Variants in PARD3B observed in about 807,000 individuals in gnomAD.
PARD3B encodes the protein partitioning defective 3 homolog B.
A neutral mutation model predicts 130.2 loss-of-function variants in PARD3B; 103 were observed. The ratio of observed to expected loss-of-function variants is 0.79; its 90% confidence interval spans 0.67 to 0.93. PARD3B has a LOEUF of 0.93. PARD3B is among the 40% of genes least tolerant of loss of function. The pLI, the probability that PARD3B is intolerant of heterozygous loss-of-function variation, is 0.00. For synonymous variants in PARD3B, 583 were observed against 553.2 expected (o/e 1.05, Z -0.76); for missense variants, 1,609 against 1,499.2 (o/e 1.07, Z -1.21).
intron 2 of PARD3B, among the ~76,000 whole-genome samples, chr2:204,830,152 G>A (rs1460566411): frequency 2.6e-5 from 4 of 152,036 alleles, no homozygotes; most frequent in African/African-American, 9.7e-5. Flanking sequence ...TGTGTAGCCT[G>A]TGGAACCGTA....
intron 18 of PARD3B, among the ~76,000 whole-genome samples, chr2:205,332,047 G>C (rs1574723727): frequency 6.6e-6 from 1 of 152,108 alleles, no homozygotes; most frequent in Admixed American, 6.5e-5. Context: ...GGAAGTTACA[G>C]TGAGCCGAAA....
At chr2:204,667,802 C>T (rs952711523) in intron 1 of PARD3B, among the ~76,000 whole-genome samples, 1 of 152,158 alleles carries the variant, frequency 6.6e-6, no homozygotes, top group East Asian at 1.9e-4. Context: ...CTGTGCCTTT[C>T]ATGTAGTCAC....
chr2:204,868,648 C>T lies in PARD3B; in HGVS notation c.223-96504C>T, dbSNP rs143495216. ...CTGTAACAACTTCATGGGAGGAACT[C>T]TACTTTTAGTGAATTACACATCAAT... On this transcript the variant is annotated intron_variant, in intron 2 of 22. Transcript: ENST00000406610. Among the ~76,000 whole-genome samples, 107 of 152,260 alleles carry T rather than the reference C, an allele frequency of 7.0e-4. 1 individual carries two copies. The East Asian group carries it at 0.019, about 27-fold the overall frequency.
chr2:204,953,447 A>AGG (rs1689972576), intron 2 of PARD3B, among the ~76,000 whole-genome samples: 1 of 151,368 alleles, frequency 6.6e-6, no homozygotes, highest in African/African-American at 2.4e-5. Context: ...AGAGAGAGAG[A>AGG]GAGAGAGAGA....
chr2:204,630,794 G>T (rs1449130104), intron 1 of PARD3B, among the ~76,000 whole-genome samples: 5 of 152,112 alleles, frequency 3.3e-5, no homozygotes, highest in Non-Finnish European at 5.9e-5. Context: ...TTGTATTTCT[G>T]TGGGGTCAGT....
intron 16 of PARD3B, among the ~76,000 whole-genome samples, chr2:205,260,964 G>T (rs1287278835): frequency 6.6e-6 from 1 of 151,218 alleles, no homozygotes; most frequent in Non-Finnish European, 1.5e-5. Flanking sequence ...CAAGCTCCAG[G>T]TTCCTAGATT....
At chr2:204,567,809 A>G (rs990137725) in intron 1 of PARD3B, among the ~76,000 whole-genome samples, 2 of 152,178 alleles carry the variant, frequency 1.3e-5, no homozygotes, top group Non-Finnish European at 2.9e-5. Context: ...ACAATGCTGT[A>G]TCATTTTACA....
At chr2:205,577,181 G>A (rs2053792423) in intron 22 of PARD3B, among the ~76,000 whole-genome samples, 1 of 152,066 alleles carries the variant, frequency 6.6e-6, no homozygotes, top group East Asian at 1.9e-4. Context: ...AATTCCAGGA[G>A]GGTTTTTTGT....
chr2:204,978,647 C>T (rs191753735), intron 3 of PARD3B, among the ~76,000 whole-genome samples: 11 of 152,050 alleles, frequency 7.2e-5, no homozygotes, highest in Non-Finnish European at 1.3e-4. Flanking sequence ...TTTGCCTCCT[C>T]CTTTCCCAAC....
chr2:204,708,407 C>T (rs1011109173), intron 2 of PARD3B, among the ~76,000 whole-genome samples: 1 of 152,136 alleles, frequency 6.6e-6, no homozygotes, highest in Non-Finnish European at 1.5e-5. Flanking sequence ...AGCATGAAAG[C>T]TTGCTTTTGA....
intron 20 of PARD3B, among the ~76,000 whole-genome samples, chr2:205,464,722 C>A (rs2048564273): frequency 6.6e-6 from 1 of 152,150 alleles, no homozygotes; most frequent in African/African-American, 2.4e-5. Context: ...AGGCAGAAGA[C>A]CCAAATCACA....
chr2:204,560,094 A>G (rs2031213590), intron 1 of PARD3B, among the ~76,000 whole-genome samples: 1 of 152,116 alleles, frequency 6.6e-6, no homozygotes, highest in Admixed American at 6.5e-5. Flanking sequence ...TGTAAATGAC[A>G]GGTTGATGGT....
At chr2:205,565,906 A>G (rs1483558786) in intron 22 of PARD3B, among the ~76,000 whole-genome samples, 17 of 149,222 alleles carry the variant, frequency 1.1e-4, no homozygotes, top group East Asian at 9.9e-4. Flanking sequence ...AACTCTGCCC[A>G]TTACAAAAAA....
chr2:205,400,136 G>C (rs1449709834), intron 18 of PARD3B, among the ~76,000 whole-genome samples: 2 of 152,122 alleles, frequency 1.3e-5, no homozygotes, highest in African/African-American at 4.8e-5. Context: ...TTAGGAGATT[G>C]ATAAGCTTTT....
chr2:204,971,304 GACAA>G (rs1460767713), intron 3 of PARD3B, among the ~76,000 whole-genome samples: 12 of 152,106 alleles, frequency 7.9e-5, no homozygotes, highest in Non-Finnish European at 1.5e-4. Flanking sequence ...TCTGATCCTA[GACAA>G]ACACACTCAC....
intron 16 of PARD3B, among the ~76,000 whole-genome samples, chr2:205,257,329 GTT>G (rs10708473): frequency 2.0e-5 from 3 of 147,522 alleles, no homozygotes; most frequent in African/African-American, 7.5e-5. Context: ...TAGCCAATCA[GTT>G]TTTTTTTTAA....
Position 205,273,940 on chromosome 2 carries a change from C to A in PARD3B, c.2186-26590C>A, listed in dbSNP as rs190785208. On this transcript the variant is annotated intron_variant, in intron 16 of 22. Transcript: ENST00000406610. Reference sequence around the variant, plus strand: ...GGGTGAGGGTCATTTATAAAGGCTGCATGTGAATCATATCAGCAGTCCCCC... The same window carrying A: ...GGGTGAGGGTCATTTATAAAGGCTGAATGTGAATCATATCAGCAGTCCCCC... 6.4e-3 allele frequency among the ~76,000 whole-genome samples: 979 copies of A among 152,278 alleles called. 10 individuals are homozygous for A. The highest frequency in any genetic ancestry group is 0.022 in the African/African-American group (925 of 41,560).
At chr2:205,614,894 G>T (rs1014663023) in intron 22 of PARD3B, among the ~76,000 whole-genome samples, 8 of 152,030 alleles carry the variant, frequency 5.3e-5, no homozygotes, top group African/African-American at 1.9e-4. Context: ...AAAAGCGAGT[G>T]CAGTCCATGG....
intron 21 of PARD3B, among the ~76,000 whole-genome samples, chr2:205,537,060 A>G (rs1231479217): frequency 6.6e-6 from 1 of 152,156 alleles, no homozygotes; most frequent in Non-Finnish European, 1.5e-5. Context: ...CATTACATTG[A>G]TGAGTAGAGT....
Sources: gnomAD v4.1 joint callset for allele counts (sites outside exome capture counted in the v4.1 genomes callset) on GRCh38, gnomAD v4.1.1 for gene constraint, MANE v1.5 for transcripts, NCBI Gene and HGNC (gene_info 2026-07-23, HGNC 2026-07-21) for gene names.